The following MACROD2 variants were observed in gnomAD, a reference collection of about 807,000 sequenced individuals.
MACROD2 encodes mono-ADP ribosylhydrolase 2.
MACROD2 carries 36 observed loss-of-function variants against 70.4 expected under a neutral mutation model. The ratio of observed to expected loss-of-function variants is 0.51; its 90% CI spans 0.39 to 0.68. The LOEUF is 0.68. Among genes scored for constraint, MACROD2 ranks in the 30% least tolerant of loss-of-function variants. The probability of loss-of-function intolerance (pLI) is 0.00; values close to 1 mark genes in which losing one functional copy is unlikely to be tolerated. For missense variants in MACROD2, 496 were observed against 538.4 expected, an observed-to-expected ratio of 0.92 and a Z score of 0.78; for synonymous variants, 172 against 178.8, an observed-to-expected ratio of 0.96 and a Z score of 0.30.
chr20:15,300,095 A>T (rs2077627619), intron 6 of MACROD2, among the ~76,000 whole-genome samples: 1 of 152,092 alleles, frequency 6.6e-6, no homozygotes, highest in Non-Finnish European at 1.5e-5. Flanking sequence ...ACTGAACTTG[A>T]TACGTAGGTA....
intron 15 of MACROD2, among the ~76,000 whole-genome samples, chr20:15,996,952 A>G (rs758506709): frequency 1.3e-5 from 2 of 152,198 alleles, no homozygotes; most frequent in Non-Finnish European, 2.9e-5. Flanking sequence ...CAGTTATGAA[A>G]GAGACTATCC....
chr20:15,813,488 A>C (rs2063841284), intron 8 of MACROD2, among the ~76,000 whole-genome samples: 1 of 152,190 alleles, frequency 6.6e-6, no homozygotes, highest in African/African-American at 2.4e-5. Context: ...TGAATATTAA[A>C]ATATCCTGGC....
intron 10 of MACROD2, among the ~76,000 whole-genome samples, chr20:15,902,447 TTATC>T (rs1200976915): frequency 6.6e-6 from 1 of 152,122 alleles, no homozygotes; most frequent in African/African-American, 2.4e-5. Flanking sequence ...AATAAATTAT[TTATC>T]TATTGCTGCC....
chr20:15,267,783 G>A (rs535687434), intron 6 of MACROD2, among the ~76,000 whole-genome samples: 1 of 152,282 alleles, frequency 6.6e-6, no homozygotes, highest in East Asian at 1.9e-4. Flanking sequence ...GGGGCCTTGG[G>A]AAGTTCCTGC....
chr20:14,708,693 A>G (rs909017694), intron 5 of MACROD2, among the ~76,000 whole-genome samples: 2 of 152,162 alleles, frequency 1.3e-5, no homozygotes, highest in African/African-American at 4.8e-5. Flanking sequence ...TCTCTGCTCA[A>G]TGCAACCTCC....
intron 8 of MACROD2, among the ~76,000 whole-genome samples, chr20:15,639,635 C>G (rs895694367): frequency 3.3e-5 from 5 of 152,178 alleles, no homozygotes; most frequent in Non-Finnish European, 7.3e-5. Context: ...TTGGGTATCT[C>G]TCCAGCCCTG....
At chr20:14,220,059 G>T (rs1440579599) in intron 3 of MACROD2, among the ~76,000 whole-genome samples, 2 of 152,182 alleles carry the variant, frequency 1.3e-5, no homozygotes, top group African/African-American at 4.8e-5. Context: ...GTATTATGGG[G>T]AGGAACCAGT....
At chr20:14,646,514 T>C (rs2123501690) in intron 4 of MACROD2, among the ~76,000 whole-genome samples, 1 of 152,228 alleles carries the variant, frequency 6.6e-6, no homozygotes, top group African/African-American at 2.4e-5. Flanking sequence ...TAATTAGTTA[T>C]ATATAAACGT....
At chr20:15,582,357 T>C (rs1285005051) in intron 8 of MACROD2, among the ~76,000 whole-genome samples, 1 of 152,084 alleles carries the variant, frequency 6.6e-6, no homozygotes. Flanking sequence ...TCCATGACTG[T>C]ATTCAGCTAG....
intron 4 of MACROD2, among the ~76,000 whole-genome samples, chr20:14,597,762 A>G (rs1982238415): frequency 6.6e-6 from 1 of 152,058 alleles, no homozygotes; most frequent in Non-Finnish European, 1.5e-5. Context: ...GTCTCCTAAT[A>G]TTGTTCTCAA....
rs566054702 is a variant in MACROD2, at chr20:14,164,864, G to A, written c.271+79136G>A. ...TCAGTGGGAGCAACTGTAAGCAGGC[G>A]GCTGGGACGCATGCACTTTGCTCAT... On this transcript the variant is annotated intron_variant, in intron 3 of 17. Transcript: ENST00000684519. Among the ~76,000 whole-genome samples, 5 of 152,292 alleles carry A rather than the reference G, an allele frequency of 3.3e-5. No homozygotes were observed. The South Asian group carries it at 6.2e-4, about 19-fold the overall frequency.
chr20:14,261,391 ATG>A (rs2122313307), intron 3 of MACROD2, among the ~76,000 whole-genome samples: 1 of 152,324 alleles, frequency 6.6e-6, no homozygotes, highest in East Asian at 1.9e-4. Context: ...TTCGCATTTA[ATG>A]TGACTTTTTT....
intron 3 of MACROD2, among the ~76,000 whole-genome samples, chr20:14,287,531 TAA>T (rs1330100383): frequency 6.6e-6 from 1 of 152,204 alleles, no homozygotes; most frequent in East Asian, 1.9e-4. Context: ...TGCTTAATAT[TAA>T]TAAACTAGTT....
chr20:15,439,624 A>G (rs184895030), intron 7 of MACROD2, among the ~76,000 whole-genome samples: 71 of 152,268 alleles, frequency 4.7e-4, no homozygotes, highest in African/African-American at 1.7e-3. Flanking sequence ...CCTGAGGAAT[A>G]TCCTCCATGT....
chr20:15,904,858 G>A (rs944114227), intron 10 of MACROD2, among the ~76,000 whole-genome samples: 3 of 143,008 alleles, frequency 2.1e-5, no homozygotes, highest in African/African-American at 7.9e-5. Context: ...TCCAGCCTGC[G>A]CGAAAGAGAG....
At chr20:15,074,568 AC>A (rs1311295520) in intron 5 of MACROD2, among the ~76,000 whole-genome samples, 2 of 152,168 alleles carry the variant, frequency 1.3e-5, no homozygotes, top group Non-Finnish European at 2.9e-5. Flanking sequence ...CTTTCAACTT[AC>A]ATTTGAAGCC....
chr20:14,108,459 A>G (rs568339269), intron 3 of MACROD2, among the ~76,000 whole-genome samples: 198 of 151,416 alleles, frequency 1.3e-3, no homozygotes, highest in Non-Finnish European at 2.1e-3. Context: ...CAAAAGACAT[A>G]AAGTGGCTAA....
intron 6 of MACROD2, among the ~76,000 whole-genome samples, chr20:15,362,924 G>A (rs999268939): frequency 1.3e-5 from 2 of 151,154 alleles, no homozygotes; most frequent in Non-Finnish European, 2.9e-5. Flanking sequence ...GAAAGGAAAT[G>A]AGAGAAGAGA....
chr20:14,515,152 T>A (rs893740797), intron 4 of MACROD2, among the ~76,000 whole-genome samples: 1 of 152,078 alleles, frequency 6.6e-6, no homozygotes, highest in African/African-American at 2.4e-5. Flanking sequence ...AAAAAGAAAG[T>A]CACTGTGTTA....
Sources: allele counts gnomAD v4.1 joint callset (sites outside exome capture counted in the v4.1 genomes callset), GRCh38; gene constraint gnomAD v4.1.1; transcripts MANE v1.5; gene names NCBI Gene and HGNC (gene_info 2026-07-23, HGNC 2026-07-21).